The following LOXHD1 variants were observed in gnomAD, a reference collection of about 807,000 sequenced individuals.
The protein encoded by LOXHD1 is lipoxygenase homology domain-containing protein 1.
In LOXHD1, 205 loss-of-function variants were observed where a neutral mutation model predicts 248.2. The observed-to-expected ratio is 0.83, with a 90% CI of 0.74 to 0.93. The LOEUF is 0.93. LOXHD1 is among the 40% of genes least tolerant of loss of function. The pLI is 0.00. For missense variants in LOXHD1, 2,930 were observed against 2,971.6 expected (o/e 0.99, Z 0.33); for synonymous variants, 1,113 against 1,162.8 (o/e 0.96, Z 0.87).
chr18:46,596,978 A>G (rs2038266239), intron 8 of LOXHD1, among the ~76,000 whole-genome samples: 1 of 152,236 alleles, frequency 6.6e-6, no homozygotes, highest in Admixed American at 6.5e-5. Context: ...GAAAATTGAC[A>G]CCAGAAATAA....
intron 5 of LOXHD1, among the ~76,000 whole-genome samples, chr18:46,614,396 A>T (rs1357704946): frequency 1.3e-5 from 2 of 152,038 alleles, no homozygotes; most frequent in African/African-American, 4.8e-5. Context: ...GCCATAAAAA[A>T]GGATGAGTTC....
chr18:46,519,128 G>A (rs1389194524), intron 33 of LOXHD1: 11 of 978,626 alleles, frequency 1.1e-5, no homozygotes, highest in African/African-American at 3.5e-5. Context: ...GTTCTAGAAT[G>A]TTCTTTGGTC....
At chr18:46,533,426 T>C (rs1303483646) in intron 27 of LOXHD1, 102 bp from the exon 28 acceptor site, 2 of 1,348,672 alleles carry the variant, frequency 1.5e-6, no homozygotes, top group Admixed American at 2.4e-5. Flanking sequence ...ACAAGGATCA[T>C]GGGGCCCCAT....
At chr18:46,583,231 G>C (rs995611344) in intron 12 of LOXHD1, among the ~76,000 whole-genome samples, 20 of 152,144 alleles carry the variant, frequency 1.3e-4, no homozygotes, top group African/African-American at 4.6e-4. Context: ...GAAGAAAACA[G>C]AGGAAATTCT....
intron 29 of LOXHD1, among the ~76,000 whole-genome samples, chr18:46,527,768 G>A (rs2035889207): frequency 6.6e-6 from 1 of 152,244 alleles, no homozygotes; most frequent in African/African-American, 2.4e-5. Flanking sequence ...ACATGAATGT[G>A]TGTGTTTTAG....
intron 33 of LOXHD1, among the ~76,000 whole-genome samples, 199 bp downstream of exon 33, chr18:46,520,898 G>A (rs1005074717): frequency 6.6e-5 from 10 of 152,184 alleles, no homozygotes; most frequent in Non-Finnish European, 1.3e-4. Flanking sequence ...CTTGCCCAAG[G>A]TCACACGGCA....
At chr18:46,565,486 C>T (rs1037650402) in intron 17 of LOXHD1, among the ~76,000 whole-genome samples, 1 of 152,120 alleles carries the variant, frequency 6.6e-6, no homozygotes, top group African/African-American at 2.4e-5. Context: ...GGGTTTTGTT[C>T]GTTTTGCTCA....
At chr18:46,552,038 C>CACAAAA (rs1333365654) in intron 21 of LOXHD1, among the ~76,000 whole-genome samples, 1 of 151,954 alleles carries the variant, frequency 6.6e-6, no homozygotes, top group Non-Finnish European at 1.5e-5. Flanking sequence ...TGGTGGTTAC[C>CACAAAA]AGGGGCTGGG....
Position 46,601,370 on chromosome 18 carries a change from C to A in LOXHD1, c.981G>T (p.Lys327Asn). 1 of 1,551,732 alleles carries A rather than the reference C, an allele frequency of 6.4e-7. No individual in the cohort carries two copies. The highest frequency in any genetic ancestry group is 1.2e-5 in the South Asian group (1 of 84,056). The change falls in exon 8 of 41, where the codon AAG becomes AAT. Residue 327 changes from lysine (K) to asparagine (N), a missense_variant. Physicochemically the swap from Lys to Asn is moderately conservative, Grantham distance 94. Coordinates refer to ENST00000642948, the MANE Select transcript of LOXHD1 (RefSeq NM_001384474.1). Reference protein sequence around the residue: ...YLVMYGARGNKNSGKIFLEGG... With the variant: ...YLVMYGARGNNNSGKIFLEGG... ...CCTCCAGGAAGATTTTCCCACTGTT[C>A]TTATTCCCTCTGGCCCCATACATGA...
intron 5 of LOXHD1, among the ~76,000 whole-genome samples, chr18:46,613,543 T>C (rs2038539725): frequency 6.6e-6 from 1 of 152,162 alleles, no homozygotes; most frequent in African/African-American, 2.4e-5. Flanking sequence ...ATAGCTTTTA[T>C]TTATTTTACT....
intron 21 of LOXHD1, chr18:46,556,711 C>T (rs1054763228): frequency 5.5e-6 from 1 of 182,078 alleles, no homozygotes; most frequent in South Asian, 9.4e-5. Flanking sequence ...ACAGCCAGCT[C>T]GCCCTCATCC....
chr18:46,626,066 CAACT>C (rs1483425529), intron 4 of LOXHD1, among the ~76,000 whole-genome samples: 3 of 152,128 alleles, frequency 2.0e-5, no homozygotes, highest in Non-Finnish European at 4.4e-5. Context: ...TCCCTTGAAC[CAACT>C]ATTCAAGCCC....
At chr18:46,478,886 T>C (rs2032285740) in intron 40 of LOXHD1, among the ~76,000 whole-genome samples, 2 of 152,134 alleles carry the variant, frequency 1.3e-5, no homozygotes, top group African/African-American at 4.8e-5. Context: ...TTTGTAGAGA[T>C]AGGGTCTCAC....
At chr18:46,536,139 A>C (rs7235681) in intron 26 of LOXHD1, among the ~76,000 whole-genome samples, 115,018 of 152,120 alleles carry the variant, frequency 0.76, 44,027 homozygotes, top group Non-Finnish European at 0.83. Context: ...GATCATACTA[A>C]CTACGTCTTG....
chr18:46,559,209 T>C, intron 20 of LOXHD1: 3 of 1,478,286 alleles, frequency 2.0e-6, no homozygotes, highest in South Asian at 2.4e-5. Flanking sequence ...CATTCTCTGT[T>C]TGTTCCTGTG....
chr18:46,499,922 A>G lies in LOXHD1; in HGVS notation c.5878+5916T>C, dbSNP rs149227593. 6.1e-3 allele frequency among the ~76,000 whole-genome samples: 933 copies of G among 152,244 alleles called. 4 individuals carry two copies. The highest frequency in any genetic ancestry group is 8.2e-3 in the Non-Finnish European group (555 of 68,020). Reference sequence around the variant, plus strand: ...TGAGGCCTCATGTTTCCTCTATTAAATTTATGTCCGGGAAACTATGGAGTA... The same window carrying G: ...TGAGGCCTCATGTTTCCTCTATTAAGTTTATGTCCGGGAAACTATGGAGTA... On this transcript the variant is annotated intron_variant, in intron 37 of 40. Coordinates refer to ENST00000642948, the MANE Select transcript of LOXHD1 (RefSeq NM_001384474.1).
chr18:46,518,696 A>T (rs1472938070), intron 33 of LOXHD1, among the ~76,000 whole-genome samples: 1 of 152,212 alleles, frequency 6.6e-6, no homozygotes, highest in Non-Finnish European at 1.5e-5. Flanking sequence ...CTGTGGTAAA[A>T]TAGGGATAAG....
Position 46,511,538 on chromosome 18 carries a change from G to T in LOXHD1, c.5400-1723C>A, listed in dbSNP as rs901110497. Among the ~76,000 whole-genome samples the T allele has an allele frequency of 4.6e-5, 7 of 152,342 alleles. No individual in the cohort carries two copies. In the East Asian group the frequency reaches 1.3e-3, roughly 29 times the overall value. On this transcript the variant is annotated intron_variant, in intron 34 of 40. Coordinates refer to ENST00000642948, the MANE Select transcript of LOXHD1 (RefSeq NM_001384474.1). The stretch of plus-strand genomic sequence containing the variant: ...CCTGCTATGAAAGGCTGTCCTTAGG[G>T]AGGGCCCAGCAACCACTCCCTCACT...
chr18:46,652,785 G>A (rs1268327079), intron 1 of LOXHD1, among the ~76,000 whole-genome samples: 4 of 152,166 alleles, frequency 2.6e-5, no homozygotes, highest in Non-Finnish European at 5.9e-5. Context: ...TAACCCAGAT[G>A]TTCATTGACA....
Sources: gnomAD v4.1 joint callset for allele counts (sites outside exome capture counted in the v4.1 genomes callset) on GRCh38, gnomAD v4.1.1 for gene constraint, MANE v1.5 for transcripts, NCBI Gene and HGNC (gene_info 2026-07-23, HGNC 2026-07-21) for gene names.